THSD4: variants seen among roughly 807,000 people sequenced by gnomAD.
The protein encoded by THSD4 is thrombospondin type-1 domain-containing protein 4.
THSD4 carries 69 observed loss-of-function variants against 119.0 expected under a neutral mutation model. The observed-to-expected ratio is 0.58, with a 90% CI of 0.48 to 0.71. The LOEUF (loss-of-function observed/expected upper bound fraction) is 0.71. Among genes scored for constraint, THSD4 ranks in the 30% least tolerant of loss-of-function variants. The probability of loss-of-function intolerance (pLI) is 0.00; values close to 1 mark genes in which losing one functional copy is unlikely to be tolerated. For synonymous variants in THSD4, 524 were observed against 540.4 expected, an observed-to-expected ratio of 0.97 and a Z score of 0.42; for missense variants, 1,393 against 1,391.1, an observed-to-expected ratio of 1.00 and a Z score of -0.02.
chr15:71,561,210 G>A (rs540386661), intron 7 of THSD4, among the ~76,000 whole-genome samples: 39 of 152,140 alleles, frequency 2.6e-4, no homozygotes, highest in African/African-American at 8.7e-4. Flanking sequence ...TCCTGACCTC[G>A]TGATCCACCT....
intron 7 of THSD4, among the ~76,000 whole-genome samples, chr15:71,507,922 T>G (rs1339420340): frequency 6.6e-6 from 1 of 152,138 alleles, no homozygotes; most frequent in Non-Finnish European, 1.5e-5. Context: ...TCTAATAACT[T>G]TTGTTGGGTT....
At chr15:71,204,310 A>T (rs910730385) in intron 3 of THSD4, among the ~76,000 whole-genome samples, 7 of 152,100 alleles carry the variant, frequency 4.6e-5, no homozygotes, top group African/African-American at 1.7e-4. Context: ...ACCTCATTGC[A>T]TCGTAGTTTT....
chr15:71,209,755 C>T (rs958491151), intron 3 of THSD4, among the ~76,000 whole-genome samples: 3 of 152,132 alleles, frequency 2.0e-5, no homozygotes, highest in Non-Finnish European at 2.9e-5. Context: ...GTATGTAGGT[C>T]CCACAATTCC....
intron 3 of THSD4, among the ~76,000 whole-genome samples, chr15:71,190,734 A>G (rs2043663824): frequency 6.6e-6 from 1 of 152,174 alleles, no homozygotes; most frequent in Admixed American, 6.5e-5. Flanking sequence ...GCTAGAAAGG[A>G]ACCATTTTTC....
At chr15:71,171,205 G>C (rs2043358980) in intron 3 of THSD4, among the ~76,000 whole-genome samples, 1 of 151,720 alleles carries the variant, frequency 6.6e-6, no homozygotes, top group Admixed American at 6.6e-5. Context: ...AGCACTAGAA[G>C]CATGAAAAAA....
intron 6 of THSD4, among the ~76,000 whole-genome samples, chr15:71,410,972 C>T (rs61277739): frequency 7.9e-4 from 120 of 152,222 alleles, no homozygotes; most frequent in African/African-American, 2.7e-3. Context: ...CACTTGAACC[C>T]GGGAGGCGGA....
At chr15:71,560,553 G>T (rs2049096562) in intron 7 of THSD4, among the ~76,000 whole-genome samples, 1 of 152,190 alleles carries the variant, frequency 6.6e-6, no homozygotes. Flanking sequence ...TAGGGGTTTC[G>T]TAGGCAGATA....
chr15:71,779,734 A>AG lies in THSD4; in HGVS notation c.*2362dup. The AG allele has an allele frequency of 6.6e-6, 1 of 152,214 alleles. No individual in the cohort carries two copies. The highest frequency in any genetic ancestry group is 2.4e-5 in the African/African-American group (1 of 41,452). 9.4% of individuals were successfully genotyped at this position (152,214 alleles called of 1,614,324 possible). A position where few individuals can be genotyped will look rare whatever the true frequency, so the allele number is the denominator to read the frequency against. Reference sequence around the variant, plus strand: ...GAAGGTTACCTAACCATTCTTTAAAAGGAGAATGACCCTCCATGGGAATGG... The same window carrying AG: ...GAAGGTTACCTAACCATTCTTTAAAAGGGAGAATGACCCTCCATGGGAATGG... On this transcript the variant is annotated 3_prime_UTR_variant, in exon 18 of 18. Coordinates refer to ENST00000261862, the MANE Select transcript of THSD4 (RefSeq NM_024817.3).
intron 3 of THSD4, among the ~76,000 whole-genome samples, chr15:71,199,163 C>T (rs1209114186): frequency 6.6e-6 from 1 of 152,180 alleles, no homozygotes; most frequent in East Asian, 1.9e-4. Flanking sequence ...CCCATGTGTC[C>T]TCCCACAATC....
chr15:71,570,212 G>A (rs1221058959), intron 7 of THSD4, among the ~76,000 whole-genome samples: 1 of 152,054 alleles, frequency 6.6e-6, no homozygotes, highest in Non-Finnish European at 1.5e-5. Context: ...CATGCATCAG[G>A]TAAAGCCAGT....
intron 4 of THSD4, among the ~76,000 whole-genome samples, chr15:71,225,294 A>T (rs1035629543): frequency 6.6e-6 from 1 of 151,970 alleles, no homozygotes; most frequent in Non-Finnish European, 1.5e-5. Context: ...CCAAGTTCAG[A>T]GTTCAGTCCT....
In THSD4 at chr15:71,783,209, T is replaced by C. The variant is rs932662455; in HGVS notation, c.*5835T>C. On this transcript the variant is annotated 3_prime_UTR_variant, in exon 18 of 18. Coordinates refer to ENST00000261862, the MANE Select transcript of THSD4 (RefSeq NM_024817.3). Reference sequence around the variant, plus strand: ...TGGTCTGTTTTCTCTTCAGCAAAAATGACTATTTTTGTGTGTGACTAATTT... The same window carrying C: ...TGGTCTGTTTTCTCTTCAGCAAAAACGACTATTTTTGTGTGTGACTAATTT... 6.6e-6 allele frequency: 1 copy of C among 152,250 alleles called. No homozygotes were observed. Among genetic ancestry groups the C allele is most frequent in the Non-Finnish European group, 1.5e-5 (1 of 68,044 alleles). 9.4% of individuals were successfully genotyped at this position (152,250 alleles called of 1,614,324 possible).
At chr15:71,719,641 G>A (rs907186093) in intron 8 of THSD4, among the ~76,000 whole-genome samples, 2 of 152,150 alleles carry the variant, frequency 1.3e-5, no homozygotes, top group Admixed American at 1.3e-4. Flanking sequence ...ATACAGAAGA[G>A]TACAAAGGAA....
chr15:71,225,544 TTTTTTTC>T lies in THSD4; in HGVS notation c.464+10152_464+10158del, dbSNP rs1288846943. 1.8e-3 allele frequency among the ~76,000 whole-genome samples: 142 copies of T among 77,988 alleles called. 1 individual carries two copies. In the South Asian group the frequency reaches 0.029, roughly 16 times the overall value. The allele number at this position is 77,988 out of a possible 152,430, so 51.2% of individuals were successfully genotyped here. ...CTCAAACACATTTTCTTTTTCTTTT[TTTTTTTC>T]TTTTTTTTTTTTTTGAGACGGAGTT... is the stretch of plus-strand genomic sequence containing the variant. On this transcript the variant is annotated intron_variant, in intron 4 of 17. Coordinates refer to ENST00000261862, the MANE Select transcript of THSD4 (RefSeq NM_024817.3).
At chr15:71,485,501 A>G (rs575090829) in intron 7 of THSD4, among the ~76,000 whole-genome samples, 1 of 152,340 alleles carries the variant, frequency 6.6e-6, no homozygotes, top group African/African-American at 2.4e-5. Context: ...TCAACTTTGA[A>G]ATGTTTTGAG....
chr15:71,757,335 C>T (rs2053556381), intron 14 of THSD4, among the ~76,000 whole-genome samples: 1 of 151,998 alleles, frequency 6.6e-6, no homozygotes, highest in Non-Finnish European at 1.5e-5. Flanking sequence ...CTTAAGTCCC[C>T]CTATTTTTCC....
chr15:71,591,346 A>G (rs560010861), intron 7 of THSD4, among the ~76,000 whole-genome samples: 1 of 152,246 alleles, frequency 6.6e-6, no homozygotes, highest in Non-Finnish European at 1.5e-5. Flanking sequence ...TCTAAGCTCA[A>G]GTGTCATTCT....
At chr15:71,347,038 T>A (rs1369774030) in intron 6 of THSD4, among the ~76,000 whole-genome samples, 1 of 151,912 alleles carries the variant, frequency 6.6e-6, no homozygotes, top group Non-Finnish European at 1.5e-5. Flanking sequence ...CACACCTGGC[T>A]AATTTTTGTA....
At chr15:71,690,333 T>C (rs900027315) in intron 8 of THSD4, among the ~76,000 whole-genome samples, 1 of 152,216 alleles carries the variant, frequency 6.6e-6, no homozygotes, top group Non-Finnish European at 1.5e-5. Flanking sequence ...CCTTGTGGCA[T>C]GCAGCTGCAG....
Sources: allele counts gnomAD v4.1 joint callset (sites outside exome capture counted in the v4.1 genomes callset), GRCh38; gene constraint gnomAD v4.1.1; transcripts MANE v1.5; gene names NCBI Gene and HGNC (gene_info 2026-07-23, HGNC 2026-07-21).